NAXD: variants seen among roughly 807,000 people sequenced by gnomAD.
NAXD encodes NAD(P)HX dehydratase, also known as ATP-dependent (S)-NAD(P)H-hydrate dehydratase.
A neutral mutation model predicts 35.8 loss-of-function variants in NAXD; 22 were observed. That is an observed-to-expected ratio of 0.62 (90% CI 0.44 to 0.88). The LOEUF (loss-of-function observed/expected upper bound fraction) is 0.88, where lower values mean the gene tolerates loss of function less well. Among genes scored for constraint, NAXD ranks in the 40% least tolerant of loss-of-function variants. NAXD has a pLI of 0.00. For synonymous variants in NAXD, 189 were observed against 177.6 expected, an observed-to-expected ratio of 1.06 and a Z score of -0.51; for missense variants, 428 against 437.7, an observed-to-expected ratio of 0.98 and a Z score of 0.20.
intron 8 of NAXD, among the ~76,000 whole-genome samples, chr13:110,636,278 C>T (rs1268354511): frequency 6.6e-6 from 1 of 152,256 alleles, no homozygotes; most frequent in African/African-American, 2.4e-5. Flanking sequence ...GACTAGGTAC[C>T]AAAATCAGGG....
At chr13:110,627,089 T>C (rs984119939) in intron 4 of NAXD, among the ~76,000 whole-genome samples, 1 of 152,042 alleles carries the variant, frequency 6.6e-6, no homozygotes, top group African/African-American at 2.4e-5. Context: ...GGAGAGGCAA[T>C]GGCCACATGC....
At chr13:110,631,176 C>G (rs1044587408) in intron 5 of NAXD, among the ~76,000 whole-genome samples, 9 of 152,220 alleles carry the variant, frequency 5.9e-5, no homozygotes, top group African/African-American at 1.9e-4. Context: ...TGCACCTGTC[C>G]TCACACTGTG....
At chr13:110,619,392 A>G (rs1312518389) in intron 1 of NAXD, among the ~76,000 whole-genome samples, 1 of 152,182 alleles carries the variant, frequency 6.6e-6, no homozygotes. Flanking sequence ...TGTGAGAAAT[A>G]CACATTTATG....
intron 5 of NAXD, among the ~76,000 whole-genome samples, chr13:110,632,250 C>T (rs543663945): frequency 5.5e-4 from 84 of 151,912 alleles, no homozygotes; most frequent in African/African-American, 1.8e-3. Flanking sequence ...TCGTTCCTCC[C>T]GGTGGGCTCG....
At chr13:110,616,620 C>G (rs1407554573) in intron 1 of NAXD, among the ~76,000 whole-genome samples, 1 of 152,240 alleles carries the variant, frequency 6.6e-6, no homozygotes, top group South Asian at 2.1e-4. Context: ...AGCCCCATCT[C>G]TTCATAGGGT....
Position 110,628,912 on chromosome 13 carries a change from A to G in NAXD, c.441+1365A>G, listed in dbSNP as rs1454190340. 6.6e-6 allele frequency among the ~76,000 whole-genome samples: 1 copy of G among 152,218 alleles called. No homozygotes were observed. Among genetic ancestry groups the G allele is most frequent in the Non-Finnish European group, 1.5e-5 (1 of 68,040 alleles). On this transcript the variant is annotated intron_variant, in intron 5 of 9. Transcript: ENST00000680254. This position sits in a 1 kb window ranked among gnomAD's most constrained non-coding sequence, Gnocchi z 4.1. ...TTTGTGAATTTAAGTTCACAATTTA[A>G]AAACTGGTATCTTAAAAAACCACTG...
chr13:110,637,100 A>G, intron 8 of NAXD, 29 bp from the exon 9 acceptor site: 1 of 1,584,082 alleles, frequency 6.3e-7, no homozygotes, highest in Non-Finnish European at 8.6e-7. Context: ...GGCCATGCTG[A>G]CACCTGCTCT....
intron 1 of NAXD, 32 bp downstream of exon 1, chr13:110,615,679 T>C: frequency 1.3e-6 from 2 of 1,524,838 alleles, no homozygotes; most frequent in Non-Finnish European, 8.8e-7. Flanking sequence ...CCGGGGATGG[T>C]CACACGCGCG....
chr13:110,618,778 C>T (rs1275670475), intron 1 of NAXD, among the ~76,000 whole-genome samples: 1 of 152,166 alleles, frequency 6.6e-6, no homozygotes, highest in Non-Finnish European at 1.5e-5. Context: ...GCTTTAAAGC[C>T]TGTAGGTTTT....
intron 2 of NAXD, 84 bp from the exon 3 acceptor site, chr13:110,624,148 CTA>C (rs1886370473): frequency 1.0e-5 from 8 of 785,522 alleles, no homozygotes; most frequent in South Asian, 4.5e-5. Flanking sequence ...TTATTTATGT[CTA>C]TTTTTTATTG....
rs1047098841 is a variant in NAXD, at chr13:110,628,499, T to G, written c.441+952T>G. Among the ~76,000 whole-genome samples, 1 of 152,192 alleles carries G rather than the reference T, an allele frequency of 6.6e-6. No homozygotes were observed. ...AATGCCAGCCATCTGCATGGCACTC[T>G]GTTGGGTGCTTAGTTAATGGAGGGG... On this transcript the variant is annotated intron_variant, in intron 5 of 9. Coordinates refer to ENST00000680254, the MANE Select transcript of NAXD (RefSeq NM_001242882.2). This position sits in a 1 kb window ranked among gnomAD's most constrained non-coding sequence, Gnocchi z 4.1.
chr13:110,627,576 A>C, intron 5 of NAXD, 29 bp downstream of exon 5: 2 of 1,488,742 alleles, frequency 1.3e-6, no homozygotes, highest in Non-Finnish European at 1.9e-6. Flanking sequence ...CACTTCCCTC[A>C]TGACAGGCTT....
intron 1 of NAXD, among the ~76,000 whole-genome samples, 165 bp from the exon 2 acceptor site, chr13:110,622,051 A>G (rs944132088): frequency 6.6e-6 from 1 of 152,146 alleles, no homozygotes; most frequent in African/African-American, 2.4e-5. Context: ...AAAAAATTGC[A>G]TGTGTTAATG....
chr13:110,635,433 CTT>C (rs746595199), intron 7 of NAXD, 33 bp from the exon 8 acceptor site: 17 of 1,607,004 alleles, frequency 1.1e-5, no homozygotes, highest in African/African-American at 2.7e-5. Context: ...CTGAGGAAGA[CTT>C]TGCTTTTTCT....
At position 110,638,467 on chromosome 13, in the gene NAXD, C is replaced by G; in HGVS notation, c.929C>G (p.Thr310Ser). Residue 310 changes from threonine (T) to serine (S), a missense_variant, in exon 10 of 10, where the codon ACC (threonine) becomes AGC (serine). Thr to Ser is a moderately conservative substitution (Grantham distance 58). Transcript: ENST00000680254. The surrounding 1 kb of genome is among the most constrained non-coding windows in gnomAD (Gnocchi z 5.4). ...GCCTTCCAGAAGCACGGTCGCTCCA[C>G]CACCACCTCCGACATGATCGCCGAG... The part of the protein sequence containing the change: ...HQAFQKHGRS[T>S]TTSDMIAEVG... 6.2e-7 allele frequency: 1 copy of G among 1,613,372 alleles called. No homozygotes were observed. Among genetic ancestry groups the G allele is most frequent in the South Asian group, 1.1e-5 (1 of 91,078 alleles).
rs368317263 is a variant in NAXD, at chr13:110,626,893, C to T, written c.333-546C>T. On this transcript the variant is annotated intron_variant, in intron 4 of 9. Transcript: ENST00000680254. ...ATGAGAAACTGCAGCAGGGTCAGTGCGTTGTGTGGGGCCTGGTCTATAAGC... is the reference window on the plus strand; with the variant it reads ...ATGAGAAACTGCAGCAGGGTCAGTGTGTTGTGTGGGGCCTGGTCTATAAGC... Among the ~76,000 whole-genome samples, 34 of 152,356 alleles carry T rather than the reference C, an allele frequency of 2.2e-4. 1 individual carries two copies. In the South Asian group the frequency reaches 5.2e-3, roughly 23 times the overall value.
chr13:110,627,473 T>C lies in NAXD; in HGVS notation c.367T>C (p.Trp123Arg), dbSNP rs1281971077. The C allele has an allele frequency of 1.2e-6, 2 of 1,614,052 alleles. No homozygotes were observed. The highest frequency in any genetic ancestry group is 1.7e-5 in the Admixed American group (1 of 60,006). The change falls in exon 5 of 10, where the codon TGG becomes CGG. Residue 123 changes from tryptophan to arginine, a missense_variant. By Grantham distance (101) the Trp-to-Arg change is moderately radical. Coordinates refer to ENST00000680254, the MANE Select transcript of NAXD (RefSeq NM_001242882.2). ...CAATGCTGTTCATGAGGTGGAGAAG[T>C]GGCTGCCCCGGCTGCATGCTCTTGT... ...SPNAVHEVEKWLPRLHALVVG... is the reference protein window; with the variant it reads ...SPNAVHEVEKRLPRLHALVVG...
rs1283866923 is a variant in NAXD, at chr13:110,639,358, C to T, written c.*830C>T. 1 of 153,244 alleles carries T rather than the reference C, an allele frequency of 6.5e-6. No individual in the cohort carries two copies. The highest frequency in any genetic ancestry group is 1.5e-5 in the Non-Finnish European group (1 of 68,824). 9.5% of individuals were successfully genotyped at this position (153,244 alleles called of 1,614,324 possible). On this transcript the variant is annotated 3_prime_UTR_variant, in exon 10 of 10. Transcript: ENST00000680254. ...TCTGACGTGGCCCCTAGTGCTGTCT[C>T]AGGAGAAGGCTCTGGAGGACTTGAG...
At chr13:110,634,495 C>G (rs752106505) in intron 5 of NAXD, 50 bp from the exon 6 acceptor site, 1 of 1,575,116 alleles carries the variant, frequency 6.3e-7, no homozygotes, top group South Asian at 1.1e-5. Context: ...GACACATACC[C>G]ACACCATAGC....
Sources: allele counts gnomAD v4.1 joint callset (sites outside exome capture counted in the v4.1 genomes callset), GRCh38; gene constraint gnomAD v4.1.1; non-coding constraint Gnocchi (gnomAD v3.1); transcripts MANE v1.5; gene names NCBI Gene and HGNC (gene_info 2026-07-23, HGNC 2026-07-21).